Variants in MAVS observed in about 807,000 individuals in gnomAD.
MAVS encodes the protein mitochondrial antiviral signaling protein.
MAVS carries 20 observed loss-of-function variants against 30.2 expected under a neutral mutation model. The ratio of observed to expected loss-of-function variants is 0.66; its 90% confidence interval spans 0.47 to 0.96. The LOEUF (loss-of-function observed/expected upper bound fraction) is 0.96, where lower values mean the gene tolerates loss of function less well. Ranked by LOEUF, MAVS falls within the 40% of genes least tolerant of loss-of-function variation. The pLI is 0.00. For synonymous variants in MAVS, 278 were observed against 293.9 expected (o/e 0.95, Z 0.55); for missense variants, 624 against 701.1 (o/e 0.89, Z 1.24).
rs1298161680 is a variant in MAVS at position 3,855,667 on chromosome 20, A to G, written c.117+926A>G. Among the ~76,000 whole-genome samples the G allele has an allele frequency of 3.3e-5, 5 of 152,176 alleles. No individual in the cohort carries two copies. The East Asian group carries it at 9.6e-4, about 29-fold the overall frequency. On this transcript the variant is annotated intron_variant, in intron 2 of 6. Coordinates refer to ENST00000428216, the MANE Select transcript of MAVS (RefSeq NM_020746.5). ...TTGTCTCCGCTGTCCTCCCACACAG[A>G]TCGCATTAGTATGCAGGTCTGTTTG...
rs2089920946 is a variant in MAVS at position 3,867,846 on chromosome 20, C to T, written c.*1699C>T. ...CTGTTGGGGAGATTATCTACAATAA[C>T]ACCAGAAACACATTGGGGTGGATTG... On this transcript the variant is annotated 3_prime_UTR_variant, in exon 7 of 7. Coordinates refer to ENST00000428216, the MANE Select transcript of MAVS (RefSeq NM_020746.5). The T allele has an allele frequency of 6.6e-6, 1 of 152,486 alleles. No individual in the cohort carries two copies. Among genetic ancestry groups the T allele is most frequent in the East Asian group, 1.9e-4 (1 of 5,318 alleles). 9.4% of individuals were successfully genotyped at this position (152,486 alleles called of 1,614,324 possible).
chr20:3,865,607 T>C lies in MAVS; in HGVS notation c.1159-76T>C. On this transcript the variant is annotated intron_variant, in intron 6 of 6. Coordinates refer to ENST00000428216, the MANE Select transcript of MAVS (RefSeq NM_020746.5). The surrounding 1 kb of genome is among the most constrained non-coding windows in gnomAD (Gnocchi z 4.7). Reference sequence around the variant, plus strand: ...TGGAGTGTTAGTTCATGCCCTGGCCTGGGAATGGGACCGCCCTACCAGGTT... The same window carrying C: ...TGGAGTGTTAGTTCATGCCCTGGCCCGGGAATGGGACCGCCCTACCAGGTT... The C allele has an allele frequency of 2.2e-6, 3 of 1,363,556 alleles. No homozygotes were observed. Among genetic ancestry groups the C allele is most frequent in the Non-Finnish European group, 3.0e-6 (3 of 1,010,174 alleles). 84.5% of individuals were successfully genotyped at this position (1,363,556 alleles called of 1,614,324 possible). A position where few individuals can be genotyped will look rare whatever the true frequency, so the allele number is the denominator to read the frequency against.
chr20:3,866,101 T>C lies in MAVS; in HGVS notation c.1577T>C (p.Leu526Pro), dbSNP rs1600455569. ...CTCCAGGTGGCTGTGACAGGGGTGCTGGTAGTCACACTCCTGGTGGTGCTG... is the reference window on the plus strand; with the variant it reads ...CTCCAGGTGGCTGTGACAGGGGTGCCGGTAGTCACACTCCTGGTGGTGCTG... Reference protein sequence around the residue: ...LWLQVAVTGVLVVTLLVVLYR... With the variant: ...LWLQVAVTGVPVVTLLVVLYR... Residue 526 changes from leucine to proline, a missense_variant, in exon 7 of 7, where the codon CTG becomes CCG. Leu to Pro is a moderately conservative substitution (Grantham distance 98). Transcript: ENST00000428216. The C allele has an allele frequency of 6.2e-7, 1 of 1,608,678 alleles. No homozygotes were observed. The highest frequency in any genetic ancestry group is 2.2e-5 in the East Asian group (1 of 44,818).
chr20:3,862,534 C>A, intron 5 of MAVS, 121 bp downstream of exon 5: 1 of 1,097,308 alleles, frequency 9.1e-7, no homozygotes, highest in Non-Finnish European at 1.3e-6. Context: ...GAGTTCAACC[C>A]AGGAAGCAAA....
In MAVS at chr20:3,866,474, T is replaced by A; in HGVS notation, c.*327T>A. On this transcript the variant is annotated 3_prime_UTR_variant, in exon 7 of 7. Coordinates refer to ENST00000428216, the MANE Select transcript of MAVS (RefSeq NM_020746.5). ...TTCCTCCTCCAGGCCTCAGCCCTGT[T>A]GGCCCAGGTGGAGCAGGAGGGACCA... 2.5e-6 allele frequency: 1 copy of A among 407,768 alleles called. No homozygotes were observed. The highest frequency in any genetic ancestry group is 4.5e-6 in the Non-Finnish European group (1 of 223,190). 25.3% of individuals were successfully genotyped at this position (407,768 alleles called of 1,614,324 possible).
In MAVS at chr20:3,868,408, G is replaced by T. The variant is rs1463076350; in HGVS notation, c.*2261G>T. On this transcript the variant is annotated 3_prime_UTR_variant, in exon 7 of 7. Coordinates refer to ENST00000428216, the MANE Select transcript of MAVS (RefSeq NM_020746.5). The stretch of plus-strand genomic sequence containing the variant: ...CCAGCACTTTGGGAGGCCAAGGTGG[G>T]CAGATCGCCTGAGGTCTGGAGTTCA... The T allele has an allele frequency of 6.6e-6, 1 of 152,232 alleles. No homozygotes were observed. Among genetic ancestry groups the T allele is most frequent in the Non-Finnish European group, 1.5e-5 (1 of 68,070 alleles). 9.4% of individuals were successfully genotyped at this position (152,232 alleles called of 1,614,324 possible).
rs1018848583 is a variant in MAVS, at chr20:3,869,676, C to T, written c.*3529C>T. On this transcript the variant is annotated 3_prime_UTR_variant, in exon 7 of 7. Transcript: ENST00000428216. ...CTGGAGTGTAGTGGCATGATCTCAGCTCACTGCAACCTCCGCCTCCCGGGT... is the reference window on the plus strand; with the variant it reads ...CTGGAGTGTAGTGGCATGATCTCAGTTCACTGCAACCTCCGCCTCCCGGGT... The T allele has an allele frequency of 2.0e-5, 3 of 152,080 alleles. No individual in the cohort carries two copies. The highest frequency in any genetic ancestry group is 7.2e-5 in the African/African-American group (3 of 41,462). The allele number at this position is 152,080 out of a possible 1,614,324, so 9.4% of individuals were successfully genotyped here.
chr20:3,858,480 C>T (rs1276768832), intron 3 of MAVS, among the ~76,000 whole-genome samples: 3 of 151,866 alleles, frequency 2.0e-5, no homozygotes, highest in Admixed American at 1.3e-4. Context: ...GAGATGGAGA[C>T]CACCCTGGCT....
At position 3,865,929 on chromosome 20, in the gene MAVS, C is replaced by T. The variant is rs1458251587; in HGVS notation, c.1405C>T (p.His469Tyr). 1.2e-6 allele frequency: 2 copies of T among 1,613,830 alleles called. No individual in the cohort carries two copies. The highest frequency in any genetic ancestry group is 1.7e-6 in the Non-Finnish European group (2 of 1,179,886). ...TAAGTCCGAGGGCACCTTTGGGATC[C>T]ACGTGGCTGAGAACCCCAGCATCCA... ...EYKSEGTFGI[H>Y]VAENPSIQLL... The change falls in exon 7 of 7, where the codon CAC becomes TAC. Residue 469 changes from histidine to tyrosine, a missense_variant. Transcript: ENST00000428216. The surrounding 1 kb of genome is among the most constrained non-coding windows in gnomAD (Gnocchi z 4.7).
chr20:3,856,905 G>T (rs746924652), intron 2 of MAVS, among the ~76,000 whole-genome samples: 1 of 151,844 alleles, frequency 6.6e-6, no homozygotes. Context: ...GTGTGGTGGT[G>T]GGCTCCTGTA....
chr20:3,854,813 C>T, intron 2 of MAVS, 72 bp downstream of exon 2: 1 of 1,068,810 alleles, frequency 9.4e-7, no homozygotes, highest in South Asian at 1.4e-5. Flanking sequence ...CAGCCCCATC[C>T]TAGTTCCTCA....
intron 3 of MAVS, 25 bp from the exon 4 acceptor site, chr20:3,861,307 A>C (rs1353229882): frequency 6.3e-7 from 1 of 1,585,620 alleles, no homozygotes; most frequent in Non-Finnish European, 8.6e-7. Flanking sequence ...TTCCTTCTTG[A>C]TATCACTACA....
Position 3,866,110 on chromosome 20 carries a change from C to T in MAVS, c.1586C>T (p.Thr529Ile). Residue 529 changes from threonine to isoleucine, a missense_variant, in exon 7 of 7, where the codon ACA (threonine) becomes ATA (isoleucine). Physicochemically the swap from Thr to Ile is moderately conservative, Grantham distance 89. Coordinates refer to ENST00000428216, the MANE Select transcript of MAVS (RefSeq NM_020746.5). Reference protein sequence around the residue: ...QVAVTGVLVVTLLVVLYRRRL... With the variant: ...QVAVTGVLVVILLVVLYRRRL... ...GCTGTGACAGGGGTGCTGGTAGTCA[C>T]ACTCCTGGTGGTGCTGTACCGGCGG... 1 of 1,607,012 alleles carries T rather than the reference C, an allele frequency of 6.2e-7. No homozygotes were observed. The highest frequency in any genetic ancestry group is 8.5e-7 in the Non-Finnish European group (1 of 1,178,158).
intron 1 of MAVS, among the ~76,000 whole-genome samples, chr20:3,853,909 T>C (rs1409669207): frequency 1.3e-5 from 2 of 151,328 alleles, no homozygotes; most frequent in African/African-American, 4.9e-5. Flanking sequence ...TGCCTCAACC[T>C]CCCGAGTAGC....
rs1746084688 is a variant in MAVS at position 3,871,946 on chromosome 20, TA to T, written c.*5801del. ...ATTAAGCTAAGTGCTTTACATATAT[TA>T]AGTCATTTAATCCTCATAATGACCC... On this transcript the variant is annotated 3_prime_UTR_variant, in exon 7 of 7. Coordinates refer to ENST00000428216, the MANE Select transcript of MAVS (RefSeq NM_020746.5). 1 of 152,292 alleles carries T rather than the reference TA, an allele frequency of 6.6e-6. No homozygotes were observed. The highest frequency in any genetic ancestry group is 2.1e-4 in the South Asian group (1 of 4,826). The allele number at this position is 152,292 out of a possible 1,614,324, so 9.4% of individuals were successfully genotyped here.
rs1345660647 is a variant in MAVS, at chr20:3,870,766, A to G, written c.*4619A>G. 2 of 151,890 alleles carry G rather than the reference A, an allele frequency of 1.3e-5. No homozygotes were observed. The highest frequency in any genetic ancestry group is 2.9e-5 in the Non-Finnish European group (2 of 68,010). The allele number at this position is 151,890 out of a possible 1,614,324, so 9.4% of individuals were successfully genotyped here. A position where few individuals can be genotyped will look rare whatever the true frequency, so the allele number is the denominator to read the frequency against. On this transcript the variant is annotated 3_prime_UTR_variant, in exon 7 of 7. Transcript: ENST00000428216. ...TTTATTATGAACTTTCAAACACAAA[A>G]AAGTAGAGAGAGTAGAATAACAAAT...
rs142867936 is a variant in MAVS, at chr20:3,857,716, G to A, written c.199G>A (p.Gly67Ser). Residue 67 changes from glycine (G) to serine (S), a missense_variant, in exon 3 of 7, where the codon GGC becomes AGC. Gly to Ser is a moderately conservative substitution (Grantham distance 56, BLOSUM62 0). Transcript: ENST00000428216. ...CTTCAATACCCTTCAGCGGCGGCCC[G>A]GCTGGGTGGAGTACTTCATTGCGGC... ...HLFNTLQRRP[G>S]WVEYFIAALR... 5 of 1,614,126 alleles carry A rather than the reference G, an allele frequency of 3.1e-6. No homozygotes were observed. Among genetic ancestry groups the A allele is most frequent in the African/African-American group, 1.3e-5 (1 of 74,944 alleles).
chr20:3,850,414 A>C (rs1366954555), intron 1 of MAVS, among the ~76,000 whole-genome samples: 2 of 146,566 alleles, frequency 1.4e-5, no homozygotes, highest in Non-Finnish European at 3.0e-5. Context: ...AACATGGTGA[A>C]ACCCTGTCTC....
At position 3,866,567 on chromosome 20, in the gene MAVS, T is replaced by C; in HGVS notation, c.*420T>C. 2 of 350,046 alleles carry C rather than the reference T, an allele frequency of 5.7e-6. No homozygotes were observed. Among genetic ancestry groups the C allele is most frequent in the South Asian group, 4.6e-5 (2 of 43,352 alleles). The allele number at this position is 350,046 out of a possible 1,614,324, so 21.7% of individuals were successfully genotyped here. ...GTCCCTGAAGGCCTCAGGGCAGGTA[T>C]GTGGTGTGTGGGCGACTCCACAAGA... On this transcript the variant is annotated 3_prime_UTR_variant, in exon 7 of 7. Coordinates refer to ENST00000428216, the MANE Select transcript of MAVS (RefSeq NM_020746.5).
Sources: allele counts gnomAD v4.1 joint callset (sites outside exome capture counted in the v4.1 genomes callset), GRCh38; gene constraint gnomAD v4.1.1; non-coding constraint Gnocchi (gnomAD v3.1); transcripts MANE v1.5; gene names NCBI Gene and HGNC (gene_info 2026-07-23, HGNC 2026-07-21).